Variants in EBF1 observed in about 807,000 individuals in gnomAD.
EBF1 encodes the protein EBF transcription factor 1, also known as transcription factor COE1.
In EBF1, 10 loss-of-function variants were observed where a neutral mutation model predicts 68.4. That is an observed-to-expected ratio of 0.15 (90% CI 0.09 to 0.25). The LOEUF is 0.25. Ranked by LOEUF, EBF1 falls within the 10% of genes least tolerant of loss-of-function variation. The pLI is 1.00. For missense variants in EBF1, 509 were observed against 794.4 expected (o/e 0.64, Z 4.32); for synonymous variants, 298 against 299.8 (o/e 0.99, Z 0.06).
At chr5:158,928,093 C>G (rs144330462) in intron 6 of EBF1, among the ~76,000 whole-genome samples, 1 of 152,274 alleles carries the variant, frequency 6.6e-6, no homozygotes, top group African/African-American at 2.4e-5. Context: ...GGAGAGAAAC[C>G]ATATGATGGT....
In EBF1 at chr5:158,698,654, C is replaced by A. The variant is rs112280787; in HGVS notation, c.*457G>T. The A allele has an allele frequency of 0.64, 118,061 of 185,466 alleles. 39,269 individuals are homozygous for A. The highest frequency in any genetic ancestry group is 0.95 in the East Asian group (11,481 of 12,108). 11.5% of individuals were successfully genotyped at this position (185,466 alleles called of 1,614,324 possible). On this transcript the variant is annotated 3_prime_UTR_variant, in exon 16 of 16. Transcript: ENST00000313708. ...GTCCCATACAAGCTTTTTTTTTTTT[C>A]CTTTTTTTCTTTTTTTTTTTTTTTA...
intron 6 of EBF1, among the ~76,000 whole-genome samples, chr5:158,948,893 CA>C (rs1815408170): frequency 6.6e-6 from 1 of 152,126 alleles, no homozygotes; most frequent in South Asian, 2.1e-4. Context: ...TTTAATTATA[CA>C]ATGAAAACTC....
At chr5:158,835,825 T>A (rs1193047165) in intron 7 of EBF1, among the ~76,000 whole-genome samples, 1 of 152,206 alleles carries the variant, frequency 6.6e-6, no homozygotes. Context: ...ATGGGAATAA[T>A]CCACATTTCC....
intron 6 of EBF1, among the ~76,000 whole-genome samples, chr5:158,904,862 A>C (rs572730305): frequency 2.6e-5 from 4 of 152,280 alleles, no homozygotes; most frequent in South Asian, 2.1e-4. Flanking sequence ...CATTTATATT[A>C]CTGCCTGCTC....
intron 15 of EBF1, among the ~76,000 whole-genome samples, chr5:158,706,263 C>T (rs1282524045): frequency 6.6e-6 from 1 of 151,012 alleles, no homozygotes; most frequent in African/African-American, 2.4e-5. Context: ...GGAAGAGCGG[C>T]GTGCTCTGTG....
chr5:159,061,153 T>C (rs749415213), intron 6 of EBF1, among the ~76,000 whole-genome samples: 2 of 152,052 alleles, frequency 1.3e-5, no homozygotes, highest in Non-Finnish European at 2.9e-5. Context: ...ATCTGCTAAA[T>C]CACTCCTCGC....
chr5:158,753,417 G>A (rs1299009069), intron 10 of EBF1, among the ~76,000 whole-genome samples: 2 of 152,176 alleles, frequency 1.3e-5, no homozygotes, highest in East Asian at 3.9e-4. Context: ...AACTTTTAGT[G>A]GAAAGAAATT....
intron 9 of EBF1, among the ~76,000 whole-genome samples, chr5:158,778,002 CT>C (rs1309672178): frequency 9.9e-5 from 15 of 152,108 alleles, no homozygotes; most frequent in African/African-American, 3.1e-4. Flanking sequence ...TGAAGTACCC[CT>C]GAAGACCATT....
At chr5:158,783,583 G>A (rs540707808) in intron 9 of EBF1, among the ~76,000 whole-genome samples, 3 of 152,230 alleles carry the variant, frequency 2.0e-5, no homozygotes, top group East Asian at 1.9e-4. Flanking sequence ...GGGACCTGCC[G>A]GCAGCAACAC....
intron 6 of EBF1, among the ~76,000 whole-genome samples, chr5:158,975,126 G>T (rs1419019291): frequency 6.6e-6 from 1 of 152,134 alleles, no homozygotes; most frequent in Admixed American, 6.5e-5. Context: ...AAATCTGATA[G>T]GATAAATTGA....
intron 8 of EBF1, among the ~76,000 whole-genome samples, chr5:158,806,164 G>A (rs746497015): frequency 1.3e-5 from 2 of 152,110 alleles, no homozygotes; most frequent in African/African-American, 2.4e-5. Flanking sequence ...TTAAGCCAGA[G>A]CTTGGTAGAT....
chr5:158,703,934 T>A (rs1757300680), intron 15 of EBF1, among the ~76,000 whole-genome samples: 1 of 152,234 alleles, frequency 6.6e-6, no homozygotes, highest in Admixed American at 6.5e-5. Flanking sequence ...TTTGGTGTCA[T>A]GTCTCCCCTA....
chr5:158,949,189 C>T (rs1815475768), intron 6 of EBF1, among the ~76,000 whole-genome samples: 1 of 152,182 alleles, frequency 6.6e-6, no homozygotes. Context: ...TTATTCTTTA[C>T]ATTGATGAAT....
chr5:158,820,830 G>C (rs542231062), intron 8 of EBF1, among the ~76,000 whole-genome samples: 1 of 152,134 alleles, frequency 6.6e-6, no homozygotes, highest in Non-Finnish European at 1.5e-5. Flanking sequence ...CTTAGAAGAG[G>C]GAATATCTGA....
chr5:158,805,883 A>G (rs1375945979), intron 8 of EBF1, among the ~76,000 whole-genome samples: 3 of 152,004 alleles, frequency 2.0e-5, no homozygotes, highest in African/African-American at 7.2e-5. Flanking sequence ...GATCGGTAAT[A>G]GTCATCACTT....
rs369313981 is a variant in EBF1 at position 158,799,617 on chromosome 5, AG to A, written c.779-3143del. 1.6e-3 allele frequency among the ~76,000 whole-genome samples: 249 copies of A among 152,288 alleles called. 1 individual carries two copies. Among genetic ancestry groups the A allele is most frequent in the East Asian group, 8.5e-3 (44 of 5,174 alleles). On this transcript the variant is annotated intron_variant, in intron 8 of 15. Coordinates refer to ENST00000313708, the MANE Select transcript of EBF1 (RefSeq NM_024007.5). The stretch of plus-strand genomic sequence containing the variant: ...TCACAGACCCATGTAGACCAAGGCA[AG>A]ACATACAAACGAATGCAGCAGCTCA...
intron 6 of EBF1, among the ~76,000 whole-genome samples, chr5:158,960,714 T>C (rs546365704): frequency 1.3e-5 from 2 of 152,272 alleles, no homozygotes; most frequent in African/African-American, 4.8e-5. Context: ...AAAAGTGCAA[T>C]GTGTGACTTC....
In EBF1 at chr5:158,714,175, A is replaced by G; in HGVS notation, c.1133T>C (p.Ile378Thr). The G allele has an allele frequency of 1.2e-6, 2 of 1,614,200 alleles. No homozygotes were observed. Among genetic ancestry groups the G allele is most frequent in the Middle Eastern group, 3.3e-4 (2 of 6,062 alleles). The stretch of plus-strand genomic sequence containing the variant: ...TACCAGATCCGCAGCCCTTTTGAGT[A>G]TTACTTCCTGTCAAGAGAAAAGCAG... ...GDPERLPKEV[I>T]LKRAADLVEA... is the part of the protein sequence containing the mutation. Residue 378 changes from isoleucine (I) to threonine (T), a missense_variant, in exon 12 of 16, where the codon ATA becomes ACA. By Grantham distance (89) the Ile-to-Thr change is moderately conservative. This residue lies in a region of EBF1 where 230 missense variants were observed against 467.7 expected (regional missense o/e 0.49). Coordinates refer to ENST00000313708, the MANE Select transcript of EBF1 (RefSeq NM_024007.5).
intron 7 of EBF1, among the ~76,000 whole-genome samples, chr5:158,837,671 A>G (rs926252723): frequency 1.3e-5 from 2 of 152,196 alleles, no homozygotes; most frequent in South Asian, 2.1e-4. Context: ...TATAACAGGT[A>G]TATTTCTATA....
Sources: gnomAD v4.1 joint callset for allele counts (sites outside exome capture counted in the v4.1 genomes callset) on GRCh38, gnomAD v4.1.1 for gene constraint, gnomAD v4.1.1 regional missense constraint, MANE v1.5 for transcripts, NCBI Gene and HGNC (gene_info 2026-07-23, HGNC 2026-07-21) for gene names.